The following RAD51B variants were observed in gnomAD, a reference collection of about 807,000 sequenced individuals.
The protein encoded by RAD51B is RAD51 paralog B.
In RAD51B, 38 loss-of-function variants were observed where a neutral mutation model predicts 42.2. The ratio of observed to expected loss-of-function variants is 0.90; its 90% CI spans 0.70 to 1.18. RAD51B has a LOEUF of 1.18. Among genes scored for constraint, RAD51B ranks in the 50% most tolerant of loss-of-function variants. The pLI is 0.00. For missense variants in RAD51B, 373 were observed against 400.7 expected, an observed-to-expected ratio of 0.93 and a Z score of 0.59; for synonymous variants, 154 against 145.2, an observed-to-expected ratio of 1.06 and a Z score of -0.43.
chr14:68,155,980 GAAGT>G (rs1406879736), intron 7 of RAD51B, among the ~76,000 whole-genome samples: 1 of 152,186 alleles, frequency 6.6e-6, no homozygotes, highest in African/African-American at 2.4e-5. Flanking sequence ...AGAAGCTAGT[GAAGT>G]AAGAACTAGA....
intron 8 of RAD51B, among the ~76,000 whole-genome samples, chr14:68,368,229 G>A (rs113915924): frequency 1.1e-3 from 165 of 152,210 alleles, no homozygotes; most frequent in Non-Finnish European, 2.0e-3. Context: ...CAGAAACCCT[G>A]TGAGGCAGGT....
intron 7 of RAD51B, among the ~76,000 whole-genome samples, chr14:68,044,354 T>A (rs550379752): frequency 6.6e-6 from 1 of 152,264 alleles, no homozygotes; most frequent in East Asian, 1.9e-4. Flanking sequence ...AATAGTGGGG[T>A]GAATAAGTTA....
chr14:67,828,828 G>C (rs561406718), intron 3 of RAD51B, among the ~76,000 whole-genome samples: 21 of 152,172 alleles, frequency 1.4e-4, no homozygotes, highest in African/African-American at 4.8e-4. Context: ...GAGTTCTTCT[G>C]TTCCATTGGT....
chr14:68,351,555 G>A (rs1187358641), intron 8 of RAD51B, among the ~76,000 whole-genome samples: 3 of 152,102 alleles, frequency 2.0e-5, no homozygotes, highest in African/African-American at 7.2e-5. Flanking sequence ...AAAGGAGAGG[G>A]GTACATTGAC....
At chr14:68,026,296 T>C (rs1364818206) in intron 7 of RAD51B, among the ~76,000 whole-genome samples, 2 of 152,190 alleles carry the variant, frequency 1.3e-5, no homozygotes, top group African/African-American at 4.8e-5. Flanking sequence ...GTATTCCATG[T>C]GGAGATGAGA....
At chr14:67,980,897 A>T (rs368806744) in intron 7 of RAD51B, among the ~76,000 whole-genome samples, 25 of 152,352 alleles carry the variant, frequency 1.6e-4, no homozygotes, top group Middle Eastern at 6.8e-3. Flanking sequence ...AACATCATCA[A>T]AATTTAAAAT....
At chr14:68,422,799 G>T (rs911009938) in intron 9 of RAD51B, among the ~76,000 whole-genome samples, 2 of 152,058 alleles carry the variant, frequency 1.3e-5, no homozygotes, top group Non-Finnish European at 2.9e-5. Context: ...TAAATAATTT[G>T]GAATTTTCAG....
chr14:68,110,413 C>T (rs1237344747), intron 7 of RAD51B, among the ~76,000 whole-genome samples: 2 of 152,016 alleles, frequency 1.3e-5, no homozygotes, highest in African/African-American at 2.4e-5. Flanking sequence ...GCTTCCCTTT[C>T]TCCATCTGTC....
rs543135604 is a variant in RAD51B, at chr14:67,945,886, C to T, written c.756+58682C>T. ...TTAGAATTATTCTGGGAAGAAAGTC[C>T]ATAGTCTGCACAAATTTCTCAGTGA... On this transcript the variant is annotated intron_variant, in intron 7 of 10. Transcript: ENST00000471583. Among the ~76,000 whole-genome samples, 11 of 152,248 alleles carry T rather than the reference C, an allele frequency of 7.2e-5. No individual in the cohort carries two copies. The South Asian group carries it at 2.3e-3, about 32-fold the overall frequency.
intron 10 of RAD51B, among the ~76,000 whole-genome samples, chr14:68,620,344 C>T (rs1392610170): frequency 1.3e-5 from 2 of 152,130 alleles, no homozygotes; most frequent in Admixed American, 6.5e-5. Context: ...ACAGCCTCTG[C>T]GTGACCCCTT....
At chr14:68,292,296 T>G (rs1315356635) in intron 8 of RAD51B, among the ~76,000 whole-genome samples, 1 of 152,196 alleles carries the variant, frequency 6.6e-6, no homozygotes. Flanking sequence ...AAGGTTGGCT[T>G]TCCCAGTGGT....
At chr14:68,027,334 T>C (rs1254432320) in intron 7 of RAD51B, among the ~76,000 whole-genome samples, 2 of 152,092 alleles carry the variant, frequency 1.3e-5, no homozygotes, top group African/African-American at 4.8e-5. Flanking sequence ...GATGGTAATC[T>C]TGTATGGTAT....
At chr14:68,540,166 C>CTTTTTTTTTT (rs11321834) in intron 10 of RAD51B, 2 of 587,322 alleles carry the variant, frequency 3.4e-6, no homozygotes, top group Non-Finnish European at 4.1e-6. Flanking sequence ...TACCCTGCTC[C>CTTTTTTTTTT]TTTTTTTTTT....
intron 7 of RAD51B, among the ~76,000 whole-genome samples, chr14:67,919,928 A>G (rs2044268161): frequency 6.6e-6 from 1 of 152,196 alleles, no homozygotes. Context: ...TTAGCTGAAG[A>G]ATAGTTTCCG....
chr14:68,295,749 C>T (rs1273350023), intron 8 of RAD51B, among the ~76,000 whole-genome samples: 1 of 152,182 alleles, frequency 6.6e-6, no homozygotes, highest in Non-Finnish European at 1.5e-5. Context: ...TAGGTCAACT[C>T]AGATCATTTT....
At chr14:68,600,015 G>A (rs1411677794), downstream of RAD51B, among the ~76,000 whole-genome samples, 1 of 152,090 alleles carries the variant, frequency 6.6e-6, no homozygotes, top group Non-Finnish European at 1.5e-5. Flanking sequence ...AACCCCCATC[G>A]AAACCCAAGA....
chr14:67,824,165 A>G (rs577343827), intron 2 of RAD51B, among the ~76,000 whole-genome samples: 2 of 152,306 alleles, frequency 1.3e-5, no homozygotes, highest in East Asian at 3.9e-4. Flanking sequence ...GCCTTAAGCA[A>G]TCCTCCAGCC....
intron 10 of RAD51B, chr14:68,470,779 C>T (rs2086103990): frequency 7.1e-6 from 3 of 421,596 alleles, no homozygotes; most frequent in South Asian, 2.3e-5. Flanking sequence ...CAGCATAAAA[C>T]GTTTTTCTTA....
chr14:68,525,843 G>A (rs551093185), intron 10 of RAD51B, among the ~76,000 whole-genome samples: 2 of 152,290 alleles, frequency 1.3e-5, no homozygotes, highest in South Asian at 2.1e-4. Context: ...ACCATGACAT[G>A]CCAAGTGCCG....
Sources: gnomAD v4.1 joint callset for allele counts (sites outside exome capture counted in the v4.1 genomes callset) on GRCh38, gnomAD v4.1.1 for gene constraint, MANE v1.5 for transcripts, NCBI Gene and HGNC (gene_info 2026-07-23, HGNC 2026-07-21) for gene names.